Variants in NTN1 observed in about 807,000 individuals in gnomAD.
The protein encoded by NTN1 is netrin-1.
In NTN1, 11 loss-of-function variants were observed where a neutral mutation model predicts 54.2. The observed-to-expected ratio is 0.20, with a 90% CI of 0.13 to 0.34. The LOEUF (loss-of-function observed/expected upper bound fraction) is 0.34. Among genes scored for constraint, NTN1 ranks in the 10% least tolerant of loss-of-function variants. The pLI is 1.00. For synonymous variants in NTN1, 371 were observed against 382.0 expected (o/e 0.97, Z 0.33); for missense variants, 740 against 893.1 (o/e 0.83, Z 2.18).
chr17:9,223,452 T>C (rs1905432318), intron 6 of NTN1, among the ~76,000 whole-genome samples: 1 of 152,024 alleles, frequency 6.6e-6, no homozygotes, highest in Non-Finnish European at 1.5e-5. Context: ...CTCGGGAGGC[T>C]GAGGCAGGAG....
At chr17:9,186,103 C>T (rs775156899) in intron 5 of NTN1, among the ~76,000 whole-genome samples, 5 of 152,084 alleles carry the variant, frequency 3.3e-5, no homozygotes, top group Non-Finnish European at 7.4e-5. Flanking sequence ...GGCCTGTGGG[C>T]GGAGGTGCTG....
chr17:9,121,814 C>G (rs1409054140), intron 2 of NTN1, among the ~76,000 whole-genome samples: 1 of 152,156 alleles, frequency 6.6e-6, no homozygotes, highest in Non-Finnish European at 1.5e-5. Context: ...CCTCCCCACA[C>G]ACGTCCTTTT....
At chr17:9,057,598 T>C (rs7208432) in intron 2 of NTN1, among the ~76,000 whole-genome samples, 7,022 of 152,256 alleles carry the variant, frequency 0.046, 549 homozygotes, top group African/African-American at 0.16. Context: ...CTTTGGCTGC[T>C]GTTTCTTCCT....
intron 5 of NTN1, among the ~76,000 whole-genome samples, chr17:9,206,014 G>A (rs1014894632): frequency 1.3e-5 from 2 of 152,206 alleles, no homozygotes; most frequent in Admixed American, 6.5e-5. Flanking sequence ...CTCTGAGGCT[G>A]AGGCAGCATC....
intron 5 of NTN1, among the ~76,000 whole-genome samples, chr17:9,210,447 CA>C (rs1392307383): frequency 1.3e-4 from 3 of 22,766 alleles, no homozygotes; most frequent in African/African-American, 6.8e-4. Context: ...CCCACACCCA[CA>C]CACACACACA....
At chr17:9,188,853 G>A (rs1002787503) in intron 5 of NTN1, among the ~76,000 whole-genome samples, 3 of 152,154 alleles carry the variant, frequency 2.0e-5, no homozygotes, top group African/African-American at 7.2e-5. Context: ...GACAGGAGGG[G>A]GGATCACTGG....
chr17:9,039,293 G>A (rs1047927149), intron 2 of NTN1, among the ~76,000 whole-genome samples: 3 of 152,154 alleles, frequency 2.0e-5, no homozygotes, highest in Non-Finnish European at 4.4e-5. Flanking sequence ...AATGCCATTA[G>A]TAATTTGACA....
intron 2 of NTN1, among the ~76,000 whole-genome samples, chr17:9,061,150 A>G (rs953157197): frequency 6.6e-6 from 1 of 152,208 alleles, no homozygotes; most frequent in African/African-American, 2.4e-5. Context: ...ATTCTGATCC[A>G]ACCAACAGAG....
rs1905337582 is a variant in NTN1 at position 9,221,149 on chromosome 17, C to A, written c.1412-19C>A. The A allele has an allele frequency of 6.3e-6, 9 of 1,419,566 alleles. No homozygotes were observed. Among genetic ancestry groups the A allele is most frequent in the Admixed American group, 1.8e-5 (1 of 55,244 alleles). 87.9% of individuals were successfully genotyped at this position (1,419,566 alleles called of 1,614,324 possible). A position where few individuals can be genotyped will look rare whatever the true frequency, so the allele number is the denominator to read the frequency against. On this transcript the variant is annotated intron_variant, in intron 5 of 6. Coordinates refer to ENST00000173229, the MANE Select transcript of NTN1 (RefSeq NM_004822.3). The surrounding 1 kb of genome is among the most constrained non-coding windows in gnomAD (Gnocchi z 4.5). ...GCCTAATTAGTTTTTGTCTGTGCTCCCCCCCCACCCCCCTGCAGACTGCGA... is the reference window on the plus strand; with the variant it reads ...GCCTAATTAGTTTTTGTCTGTGCTCACCCCCCACCCCCCTGCAGACTGCGA...
intron 2 of NTN1, among the ~76,000 whole-genome samples, chr17:9,051,434 A>G (rs187245333): frequency 6.4e-4 from 97 of 152,346 alleles, no homozygotes; most frequent in African/African-American, 2.0e-3. Context: ...GGACTGTGCA[A>G]CAGGCCAAGG....
At chr17:9,009,056 A>AAAAAC in the NTN1 span, among the ~76,000 whole-genome samples, 38 of 152,316 alleles carry the variant, frequency 2.5e-4, no homozygotes, top group African/African-American at 4.6e-4. Context: ...AAGACAAAAC[A>AAAAAC]AAAACAAAAC....
chr17:9,076,574 C>G (rs757907271), intron 2 of NTN1, among the ~76,000 whole-genome samples: 4 of 152,058 alleles, frequency 2.6e-5, no homozygotes, highest in Non-Finnish European at 5.9e-5. Context: ...AGGGGTCTCT[C>G]TATGTTGCTC....
intron 2 of NTN1, among the ~76,000 whole-genome samples, chr17:9,090,838 G>C (rs1203214394): frequency 1.3e-5 from 2 of 152,188 alleles, no homozygotes; most frequent in Non-Finnish European, 2.9e-5. Flanking sequence ...GCCACTCTGA[G>C]GGTGGGTGCC....
intron 2 of NTN1, among the ~76,000 whole-genome samples, chr17:9,040,572 T>C (rs931218324): frequency 2.0e-4 from 31 of 152,152 alleles, no homozygotes; most frequent in African/African-American, 6.5e-4. Context: ...TTCCAATACT[T>C]GTACTATTTA....
chr17:9,024,484 C>T (rs2091863763), intron 2 of NTN1, among the ~76,000 whole-genome samples: 1 of 152,210 alleles, frequency 6.6e-6, no homozygotes, highest in African/African-American at 2.4e-5. Flanking sequence ...CTCAAACAGC[C>T]AGTGTGAGGC....
intron 2 of NTN1, among the ~76,000 whole-genome samples, chr17:9,074,474 A>G (rs2092042705): frequency 6.6e-6 from 1 of 152,200 alleles, no homozygotes; most frequent in Non-Finnish European, 1.5e-5. Context: ...CACCACTGGA[A>G]AAACAACTCC....
At chr17:9,080,072 C>T (rs1161625133) in intron 2 of NTN1, among the ~76,000 whole-genome samples, 2 of 152,196 alleles carry the variant, frequency 1.3e-5, no homozygotes, top group African/African-American at 4.8e-5. Flanking sequence ...GGAAGTGGTT[C>T]CCCAGTGGGC....
intron 2 of NTN1, among the ~76,000 whole-genome samples, chr17:9,106,467 C>CCTTCCTTCCTT (rs2092166609): frequency 1.0e-4 from 12 of 120,018 alleles, no homozygotes; most frequent in Non-Finnish European, 1.9e-4. Flanking sequence ...CTTCCTTCCT[C>CCTTCCTTCCTT]CCTTCCTTCC....
At chr17:9,207,225 A>G (rs961108629) in intron 5 of NTN1, among the ~76,000 whole-genome samples, 44 of 152,224 alleles carry the variant, frequency 2.9e-4, no homozygotes, top group African/African-American at 1.0e-3. Context: ...CAGGGTGACA[A>G]GTGCCGTGAA....
Sources: allele counts gnomAD v4.1 joint callset (sites outside exome capture counted in the v4.1 genomes callset), GRCh38; gene constraint gnomAD v4.1.1; non-coding constraint Gnocchi (gnomAD v3.1); transcripts MANE v1.5; gene names NCBI Gene and HGNC (gene_info 2026-07-23, HGNC 2026-07-21).